Variants in ZEB1 observed in about 807,000 individuals in gnomAD.
The protein encoded by ZEB1 is zinc finger E-box binding homeobox 1, also known as zinc finger E-box-binding homeobox 1.
In ZEB1, 21 loss-of-function variants were observed where a neutral mutation model predicts 84.9. The observed-to-expected ratio is 0.25, with a 90% CI of 0.18 to 0.36. The LOEUF (loss-of-function observed/expected upper bound fraction) is 0.36, where lower values mean the gene tolerates loss of function less well. Ranked by LOEUF, ZEB1 falls within the 10% of genes least tolerant of loss-of-function variation. The pLI is 1.00. For synonymous variants in ZEB1, 420 were observed against 471.1 expected, an observed-to-expected ratio of 0.89 and a Z score of 1.41; for missense variants, 1,104 against 1,330.2, an observed-to-expected ratio of 0.83 and a Z score of 2.65.
intron 1 of ZEB1, among the ~76,000 whole-genome samples, chr10:31,442,643 A>C (rs2059172689): frequency 6.6e-6 from 1 of 152,156 alleles, no homozygotes. Context: ...TGGGATATAA[A>C]ACTGGGAGTC....
chr10:31,458,704 A>G (rs2061512711), intron 1 of ZEB1, among the ~76,000 whole-genome samples: 4 of 152,088 alleles, frequency 2.6e-5, no homozygotes, highest in African/African-American at 9.7e-5. Flanking sequence ...TTTCACCCCT[A>G]CTAATCTGAT....
At chr10:31,508,399 A>G (rs966590694) in intron 4 of ZEB1, among the ~76,000 whole-genome samples, 3 of 152,034 alleles carry the variant, frequency 2.0e-5, no homozygotes, top group Non-Finnish European at 2.9e-5. Context: ...CTGGTTCCCT[A>G]GTGATTCACG....
rs756437965 is a variant in ZEB1 at position 31,521,451 on chromosome 10, T to C, written c.2119T>C (p.Ser707Pro). ...TTCCAGAAGTAGTACACCATCCCCA[T>C]CACCTCTAAACCTTTCCTCATCCAG... ...NGSRSSTPSP[S>P]PLNLSSSRNT... Residue 707 changes from serine (S) to proline (P), a missense_variant, in exon 7 of 9, where the codon TCA (serine) becomes CCA (proline). By Grantham distance (74) the Ser-to-Pro change is moderately conservative. Transcript: ENST00000424869. 5 of 1,613,882 alleles carry C rather than the reference T, an allele frequency of 3.1e-6. No individual in the cohort carries two copies. In the African/African-American group the frequency reaches 4.0e-5, roughly 13 times the overall value.
chr10:31,507,509 A>G (rs1259221691), intron 4 of ZEB1, among the ~76,000 whole-genome samples: 1 of 152,026 alleles, frequency 6.6e-6, no homozygotes, highest in Non-Finnish European at 1.5e-5. Context: ...TATGTCACAC[A>G]GGCTTTGTTC....
intron 3 of ZEB1, among the ~76,000 whole-genome samples, chr10:31,498,507 A>G (rs905517715): frequency 6.6e-6 from 1 of 152,086 alleles, no homozygotes; most frequent in Admixed American, 6.6e-5. Flanking sequence ...ACTACATACC[A>G]GGTACCCTAC....
At chr10:31,475,382 A>G (rs1160962043) in intron 2 of ZEB1, among the ~76,000 whole-genome samples, 1 of 152,174 alleles carries the variant, frequency 6.6e-6, no homozygotes, top group South Asian at 2.1e-4. Flanking sequence ...ATTTGAGGGG[A>G]TAATTTAGGA....
At chr10:31,407,064 TTTTG>T (rs1174445400) in intron 1 of ZEB1, among the ~76,000 whole-genome samples, 2 of 151,762 alleles carry the variant, frequency 1.3e-5, no homozygotes, top group South Asian at 2.1e-4. Context: ...TGTTTTGTTT[TTTTG>T]TTTATTTTTA....
chr10:31,405,718 T>A (rs572885884), intron 1 of ZEB1, among the ~76,000 whole-genome samples: 2,059 of 151,334 alleles, frequency 0.014, 46 homozygotes, highest in East Asian at 0.039. Flanking sequence ...TCTTTTTTTT[T>A]TTAAAATTTA....
chr10:31,447,676 C>G (rs2059963215), intron 1 of ZEB1, among the ~76,000 whole-genome samples: 1 of 149,862 alleles, frequency 6.7e-6, no homozygotes, highest in South Asian at 2.2e-4. Context: ...ACTTATGAAG[C>G]TTAGTTTGGC....
rs573409067 is a variant in ZEB1, at chr10:31,373,440, ATTTTTGTAGTT to A, written c.58+54151_58+54161del. Among the ~76,000 whole-genome samples the A allele has an allele frequency of 1.7e-4, 26 of 151,958 alleles. No homozygotes were observed. In the South Asian group the frequency reaches 5.4e-3, roughly 32 times the overall value. Reference sequence around the variant, plus strand: ...AGTTCATGTCTGGTTTAAAAATTCAATTTTTGTAGTTTTATTGTAGTTATTTAAAATAGTAT... The same window carrying A: ...AGTTCATGTCTGGTTTAAAAATTCAATTATTGTAGTTATTTAAAATAGTAT... On this transcript the variant is annotated intron_variant, in intron 1 of 8. Coordinates refer to ENST00000424869, the MANE Select transcript of ZEB1 (RefSeq NM_001174096.2).
chr10:31,476,501 C>T (rs996034005), intron 2 of ZEB1, among the ~76,000 whole-genome samples: 1 of 151,850 alleles, frequency 6.6e-6, no homozygotes, highest in African/African-American at 2.4e-5. Flanking sequence ...AGCCCAGGAC[C>T]AGAGAGATTT....
chr10:31,497,279 C>G lies in ZEB1; in HGVS notation c.322+1441C>G, dbSNP rs543373869. On this transcript the variant is annotated intron_variant, in intron 3 of 8. Coordinates refer to ENST00000424869, the MANE Select transcript of ZEB1 (RefSeq NM_001174096.2). ...AAAATGCTATCCAAAAAGATGCTCA[C>G]AGGTTTACAGTATTTTATCTGTCAT... Among the ~76,000 whole-genome samples the G allele has an allele frequency of 1.6e-4, 24 of 152,208 alleles. No homozygotes were observed. The South Asian group carries it at 4.8e-3, about 30-fold the overall frequency.
At chr10:31,382,462 T>C (rs927925632) in intron 1 of ZEB1, among the ~76,000 whole-genome samples, 4 of 152,194 alleles carry the variant, frequency 2.6e-5, no homozygotes, top group Non-Finnish European at 5.9e-5. Flanking sequence ...TCTGTTATCA[T>C]ATACAGTAAC....
chr10:31,492,524 T>C lies in ZEB1; in HGVS notation c.260-3252T>C, dbSNP rs2066678067. ...TAACCTCATCATAAGTCAAGGAGTA[T>C]CTATACAGGTATAAATGTGCATGGC... On this transcript the variant is annotated intron_variant, in intron 2 of 8. Coordinates refer to ENST00000424869, the MANE Select transcript of ZEB1 (RefSeq NM_001174096.2). 1.3e-5 allele frequency among the ~76,000 whole-genome samples: 2 copies of C among 151,752 alleles called. 1 individual carries two copies. The highest frequency in any genetic ancestry group is 4.1e-4 in the South Asian group (2 of 4,828).
Position 31,458,312 on chromosome 10 carries a change from C to CGT in ZEB1, c.59-2702_59-2701dup, listed in dbSNP as rs775810348. 6.8e-3 allele frequency among the ~76,000 whole-genome samples: 837 copies of CGT among 123,100 alleles called. 5 individuals carry two copies. Among genetic ancestry groups the CGT allele is most frequent in the East Asian group, 0.023 (106 of 4,706 alleles). 80.8% of individuals were successfully genotyped at this position (123,100 alleles called of 152,430 possible). ...CATTTGCCAGTAAGCATCTCCATTC[C>CGT]GTGTGTGTGTGTGTGTGTGTGTGTT... On this transcript the variant is annotated intron_variant, in intron 1 of 8. Transcript: ENST00000424869.
chr10:31,439,452 G>A (rs936403199), intron 1 of ZEB1, among the ~76,000 whole-genome samples: 10 of 151,948 alleles, frequency 6.6e-5, no homozygotes, highest in African/African-American at 1.5e-4. Flanking sequence ...TATGTCAGGC[G>A]TTACTGGGAC....
intron 1 of ZEB1, chr10:31,387,372 A>C: frequency 1.1e-6 from 1 of 925,134 alleles, no homozygotes; most frequent in Non-Finnish European, 1.3e-6. Context: ...GTTCGCACAG[A>C]AGGGAGGCCC....
In ZEB1 at chr10:31,456,118, GA is replaced by G. The variant is rs1564937933; in HGVS notation, c.59-4917del. Among the ~76,000 whole-genome samples, 3 of 152,324 alleles carry G rather than the reference GA, an allele frequency of 2.0e-5. No individual in the cohort carries two copies. The South Asian group carries it at 6.2e-4, about 32-fold the overall frequency. On this transcript the variant is annotated intron_variant, in intron 1 of 8. Coordinates refer to ENST00000424869, the MANE Select transcript of ZEB1 (RefSeq NM_001174096.2). Reference sequence around the variant, plus strand: ...TCCTCTCCTTTGCAGGGACATGGATGAAGCCAGAAACCATCATTCTCAGCAA... The same window carrying G: ...TCCTCTCCTTTGCAGGGACATGGATGAGCCAGAAACCATCATTCTCAGCAA...
At chr10:31,443,704 T>A (rs2059355551) in intron 1 of ZEB1, among the ~76,000 whole-genome samples, 1 of 150,510 alleles carries the variant, frequency 6.6e-6, no homozygotes, top group South Asian at 2.1e-4. Context: ...AGAATGATGA[T>A]TTCCAATTTC....
Sources: gnomAD v4.1 joint callset for allele counts (sites outside exome capture counted in the v4.1 genomes callset) on GRCh38, gnomAD v4.1.1 for gene constraint, MANE v1.5 for transcripts, NCBI Gene and HGNC (gene_info 2026-07-23, HGNC 2026-07-21) for gene names.